Variants in TRPM3 observed in about 807,000 individuals in gnomAD.
TRPM3 encodes transient receptor potential cation channel subfamily M member 3, also known as long transient receptor potential channel 3.
In TRPM3, 77 loss-of-function variants were observed where a neutral mutation model predicts 181.2. The observed-to-expected ratio is 0.42, with a 90% confidence interval of 0.35 to 0.51. TRPM3 has a LOEUF of 0.51. TRPM3 is among the 20% of genes least tolerant of loss of function. The probability of loss-of-function intolerance (pLI) is 0.01; values close to 1 mark genes in which losing one functional copy is unlikely to be tolerated. For synonymous variants in TRPM3, 745 were observed against 796.4 expected (o/e 0.94, Z 1.09); for missense variants, 1,759 against 2,196.7 (o/e 0.80, Z 3.98).
At chr9:71,040,739 T>C (rs1174284464) in intron 1 of TRPM3, among the ~76,000 whole-genome samples, 1 of 152,052 alleles carries the variant, frequency 6.6e-6, no homozygotes, top group African/African-American at 2.4e-5. Flanking sequence ...TCAGCAGGAA[T>C]GAGAAACAGA....
At chr9:71,217,398 T>TG (rs1280293182) in intron 1 of TRPM3, among the ~76,000 whole-genome samples, 1 of 152,082 alleles carries the variant, frequency 6.6e-6, no homozygotes, top group Non-Finnish European at 1.5e-5. Flanking sequence ...AGACAGAGGT[T>TG]GGGGGAAAAG....
rs1456450682 is a variant in TRPM3 at position 71,401,095 on chromosome 9, G to A, written c.183+45558C>T. On this transcript the variant is annotated intron_variant, in intron 1 of 24. Transcript: ENST00000357533. ...TGTCTGTAGTCCCAGCTACTCGGGA[G>A]GCTGAGGCAGGAAAATCACTTGAAC... 4.0e-5 allele frequency among the ~76,000 whole-genome samples: 6 copies of A among 151,732 alleles called. No individual in the cohort carries two copies. The East Asian group carries it at 9.7e-4, about 25-fold the overall frequency.
intron 1 of TRPM3, chr9:70,869,165 G>A: frequency 3.8e-6 from 2 of 528,912 alleles, no homozygotes; most frequent in Non-Finnish European, 2.4e-6. Flanking sequence ...CAATGAACTT[G>A]GGCAGATTAG....
At chr9:71,174,788 G>A (rs1192483752) in intron 1 of TRPM3, among the ~76,000 whole-genome samples, 3 of 152,082 alleles carry the variant, frequency 2.0e-5, no homozygotes, top group Admixed American at 2.0e-4. Flanking sequence ...AGGGTCAAAG[G>A]ACATAAGGAG....
chr9:71,118,139 C>A (rs1358140481), intron 1 of TRPM3, among the ~76,000 whole-genome samples: 3 of 152,206 alleles, frequency 2.0e-5, no homozygotes, highest in South Asian at 2.1e-4. Context: ...TAGAAAGGGT[C>A]CCATTTGAAA....
chr9:71,010,474 T>A (rs961380648), intron 1 of TRPM3, among the ~76,000 whole-genome samples: 8 of 152,008 alleles, frequency 5.3e-5, no homozygotes, highest in Non-Finnish European at 1.0e-4. Flanking sequence ...ACTAGACATA[T>A]CTGAAAAGAC....
upstream of TRPM3, among the ~76,000 whole-genome samples, chr9:71,122,871 T>C (rs1477866491): frequency 6.6e-6 from 1 of 152,250 alleles, no homozygotes; most frequent in East Asian, 1.9e-4. Context: ...ATCACTTTAA[T>C]AGATCTCATA....
chr9:70,545,318 A>C (rs1490605213), intron 25 of TRPM3, among the ~76,000 whole-genome samples: 2 of 152,224 alleles, frequency 1.3e-5, no homozygotes, highest in Non-Finnish European at 2.9e-5. Context: ...GGCTCTAACA[A>C]CACAGGGAAT....
intron 1 of TRPM3, among the ~76,000 whole-genome samples, chr9:71,350,015 T>C (rs2091532068): frequency 2.1e-5 from 3 of 143,988 alleles, no homozygotes; most frequent in South Asian, 4.6e-4. Context: ...GCCTAAAAAA[T>C]GACCTGTGTA....
At chr9:71,369,340 A>G (rs2092438059) in intron 1 of TRPM3, among the ~76,000 whole-genome samples, 1 of 152,214 alleles carries the variant, frequency 6.6e-6, no homozygotes, top group Non-Finnish European at 1.5e-5. Context: ...AAATCAGAGG[A>G]TATAAGAAAC....
chr9:70,822,763 G>GTGTGTGTA (rs1011239354), intron 6 of TRPM3, among the ~76,000 whole-genome samples: 3 of 22,712 alleles, frequency 1.3e-4, no homozygotes, highest in African/African-American at 2.0e-4. Context: ...TTTGTCTTGT[G>GTGTGTGTA]TGTGTGTGTG....
intron 1 of TRPM3, among the ~76,000 whole-genome samples, chr9:71,048,295 T>C (rs2133109932): frequency 6.6e-6 from 1 of 152,318 alleles, no homozygotes; most frequent in Admixed American, 6.5e-5. Context: ...AAAAACTGTC[T>C]CTTAATTTTT....
chr9:71,326,527 T>G (rs976238601), intron 1 of TRPM3, among the ~76,000 whole-genome samples: 2 of 152,242 alleles, frequency 1.3e-5, no homozygotes, highest in African/African-American at 4.8e-5. Context: ...AGTGTGCTGT[T>G]AAGTGATGGT....
At chr9:71,237,619 C>A (rs1358790038) in intron 1 of TRPM3, among the ~76,000 whole-genome samples, 2 of 152,112 alleles carry the variant, frequency 1.3e-5, no homozygotes, top group Non-Finnish European at 2.9e-5. Context: ...CTCTCCCAAG[C>A]AGAAATATCA....
rs540263189 is a variant in TRPM3, at chr9:70,543,136, G to A, written c.3708-5731C>T. 1.6e-4 allele frequency among the ~76,000 whole-genome samples: 24 copies of A among 152,230 alleles called. 1 individual carries two copies. The highest frequency in any genetic ancestry group is 5.8e-4 in the African/African-American group (24 of 41,548). On this transcript the variant is annotated intron_variant, in intron 25 of 25. Coordinates refer to ENST00000677713, the MANE Select transcript of TRPM3 (RefSeq NM_001366145.2). ...TACTTATGAATTTTATATATCCTAAGTCATTTCTCTCTGCCATTGTTATGA... is the reference window on the plus strand; with the variant it reads ...TACTTATGAATTTTATATATCCTAAATCATTTCTCTCTGCCATTGTTATGA...
chr9:71,104,364 G>A lies in TRPM3; in HGVS notation c.177+16814C>T, dbSNP rs529727036. Reference sequence around the variant, plus strand: ...GACTGATTTTCCTTAAAACCCATGAGCTAATTTGCTTTTATTTACAACTTG... The same window carrying A: ...GACTGATTTTCCTTAAAACCCATGAACTAATTTGCTTTTATTTACAACTTG... On this transcript the variant is annotated intron_variant, in intron 1 of 25. Coordinates refer to ENST00000677713, the MANE Select transcript of TRPM3 (RefSeq NM_001366145.2). Among the ~76,000 whole-genome samples, 7 of 152,286 alleles carry A rather than the reference G, an allele frequency of 4.6e-5. No individual in the cohort carries two copies. In the South Asian group the frequency reaches 1.5e-3, roughly 32 times the overall value.
chr9:70,885,486 A>G (rs915781585), intron 1 of TRPM3, among the ~76,000 whole-genome samples: 13 of 152,086 alleles, frequency 8.5e-5, no homozygotes, highest in African/African-American at 3.1e-4. Flanking sequence ...GCATCCAAAT[A>G]CCTATGTGAT....
intron 1 of TRPM3, among the ~76,000 whole-genome samples, chr9:71,434,673 G>C (rs2094006711): frequency 1.3e-5 from 2 of 152,154 alleles, no homozygotes; most frequent in African/African-American, 4.8e-5. Flanking sequence ...GAATTTTCTA[G>C]ACTTCTTCAC....
At chr9:70,985,066 G>T (rs1181359762) in intron 1 of TRPM3, among the ~76,000 whole-genome samples, 1 of 152,146 alleles carries the variant, frequency 6.6e-6, no homozygotes, top group African/African-American at 2.4e-5. Flanking sequence ...ACAGAGAAAT[G>T]GAGAAAGTAA....
Sources: gnomAD v4.1 joint callset for allele counts (sites outside exome capture counted in the v4.1 genomes callset) on GRCh38, gnomAD v4.1.1 for gene constraint, MANE v1.5 for transcripts, NCBI Gene and HGNC (gene_info 2026-07-23, HGNC 2026-07-21) for gene names.